Variants in EPB41L4A observed in about 807,000 individuals in gnomAD.
The protein encoded by EPB41L4A is band 4.1-like protein 4A.
A neutral mutation model predicts 108.6 loss-of-function variants in EPB41L4A; 100 were observed. The ratio of observed to expected loss-of-function variants is 0.92; its 90% CI spans 0.78 to 1.09. The LOEUF (loss-of-function observed/expected upper bound fraction) is 1.09. Ranked by LOEUF, EPB41L4A falls within the 50% of genes least tolerant of loss-of-function variation. The pLI, the probability that EPB41L4A is intolerant of heterozygous loss-of-function variation, is 0.00. For synonymous variants in EPB41L4A, 319 were observed against 289.0 expected (o/e 1.10, Z -1.05); for missense variants, 1,030 against 842.7 (o/e 1.22, Z -2.75).
intron 16 of EPB41L4A, among the ~76,000 whole-genome samples, chr5:112,195,388 G>C (rs532573455): frequency 6.6e-6 from 1 of 151,740 alleles, no homozygotes; most frequent in Non-Finnish European, 1.5e-5. Flanking sequence ...GATAAATAGA[G>C]TTGTTGCTGC....
chr5:112,234,665 G>GTT lies in EPB41L4A; in HGVS notation c.1055_1056insAA (p.Tyr352Ter). ...GCTGTGTTTGTGCTATTCGCTTAGG[G>GTT]TAAGTCTTGCTTCGACTTCTTGTCA... ...QNVTRSRSKTYPKRIAQTQPA... is the reference protein window; with the variant it reads ...QNVTRSRSKT Residue 352 changes from tyrosine (Y) to a stop codon, truncating the protein, a stop_gained and frameshift_variant, in exon 12 of 23, where the codon TAC (tyrosine) becomes TAAAC (stop). Transcript: ENST00000261486. LOFTEE classifies it high-confidence loss of function. 6.2e-7 allele frequency: 1 copy of GTT among 1,613,590 alleles called. No homozygotes were observed. The highest frequency in any genetic ancestry group is 8.5e-7 in the Non-Finnish European group (1 of 1,179,634).
rs995529244 is a variant in EPB41L4A, at chr5:112,307,399, C to A, written c.191G>T (p.Arg64Ile). The stretch of plus-strand genomic sequence containing the variant: ...CACCTTACTCACCGTCTGATGGCTT[C>A]TGTCACAGTAACGTAGCCCAAAATA... ...IDYFGLRYCD[R>I]SHQTYWLDPA... is the part of the protein sequence containing the mutation. The change falls in exon 2 of 23, where the codon AGA becomes ATA. Residue 64 changes from arginine to isoleucine, a missense_variant. Coordinates refer to ENST00000261486, the MANE Select transcript of EPB41L4A (RefSeq NM_022140.5). 6.2e-7 allele frequency: 1 copy of A among 1,610,226 alleles called. No homozygotes were observed. The highest frequency in any genetic ancestry group is 8.5e-7 in the Non-Finnish European group (1 of 1,176,908).
At chr5:112,409,427 C>T (rs1762286558) in intron 1 of EPB41L4A, among the ~76,000 whole-genome samples, 1 of 151,922 alleles carries the variant, frequency 6.6e-6, no homozygotes, top group African/African-American at 2.4e-5. Context: ...TGCACAATTC[C>T]GTAAATATAT....
chr5:112,272,817 A>G (rs1752363046), intron 4 of EPB41L4A, among the ~76,000 whole-genome samples: 1 of 149,734 alleles, frequency 6.7e-6, no homozygotes, highest in African/African-American at 2.4e-5. Context: ...TTAGATGGCG[A>G]AAGAGGCCAT....
At chr5:112,204,532 TG>T in intron 14 of EPB41L4A, 44 bp from the exon 15 acceptor site, 1 of 1,357,238 alleles carries the variant, frequency 7.4e-7, no homozygotes, top group Non-Finnish European at 1.1e-6. Context: ...AGAGAGTTCC[TG>T]GGGGAAAACA....
intron 1 of EPB41L4A, among the ~76,000 whole-genome samples, chr5:112,392,569 G>T (rs1409098200): frequency 6.6e-6 from 1 of 152,076 alleles, no homozygotes; most frequent in Non-Finnish European, 1.5e-5. Flanking sequence ...ACTCAATACA[G>T]GAGCACCCAG....
rs200204316 is a variant in EPB41L4A, at chr5:112,259,933, A to C, written c.689T>G (p.Val230Gly). The change falls in exon 8 of 23, where the codon GTT (valine) becomes GGT (glycine). Residue 230 changes from valine (V) to glycine (G), a missense_variant. Coordinates refer to ENST00000261486, the MANE Select transcript of EPB41L4A (RefSeq NM_022140.5). ...EYFLGLTPVG[V>G]VVYKNKKQVG... Reference sequence around the variant, plus strand: ...TTGCTTTTTATTCTTGTACACAACAACACCAACCGGAGTTAATCCTAAGAA... The same window carrying C: ...TTGCTTTTTATTCTTGTACACAACACCACCAACCGGAGTTAATCCTAAGAA... 1.4e-4 allele frequency: 226 copies of C among 1,614,124 alleles called. No individual in the cohort carries two copies. Among genetic ancestry groups the C allele is most frequent in the South Asian group, 1.9e-4 (17 of 91,082 alleles).
At chr5:112,331,660 C>T (rs188145876) in intron 1 of EPB41L4A, among the ~76,000 whole-genome samples, 29 of 152,318 alleles carry the variant, frequency 1.9e-4, no homozygotes, top group Middle Eastern at 3.4e-3. Context: ...TGAATGTCAG[C>T]AAAGTTCTCA....
At chr5:112,144,485 C>A (rs1441616222) in intron 13 of EPB41L4A, among the ~76,000 whole-genome samples, 1 of 152,118 alleles carries the variant, frequency 6.6e-6, no homozygotes, top group Non-Finnish European at 1.5e-5. Context: ...CCAAGTTGCC[C>A]AGGCTGGTCT....
intron 12 of EPB41L4A, among the ~76,000 whole-genome samples, chr5:112,223,581 A>G (rs974146050): frequency 5.3e-5 from 8 of 152,100 alleles, no homozygotes; most frequent in Non-Finnish European, 1.0e-4. Flanking sequence ...CAGGAGGGGT[A>G]AAAAAACAGG....
upstream of EPB41L4A, chr5:112,419,806 C>G (rs1453660751): frequency 4.4e-6 from 2 of 456,648 alleles, no homozygotes; most frequent in Non-Finnish European, 8.8e-6. Context: ...TGGCTCCCGT[C>G]CGGGGACTCC....
chr5:112,240,881 C>A, intron 9 of EPB41L4A, 71 bp from the exon 10 acceptor site: 1 of 865,092 alleles, frequency 1.2e-6, no homozygotes, highest in Non-Finnish European at 1.8e-6. Flanking sequence ...AAATAACAGC[C>A]CCCTTTAAGT....
chr5:112,252,446 A>G (rs1195931538), intron 9 of EPB41L4A, among the ~76,000 whole-genome samples: 2 of 152,166 alleles, frequency 1.3e-5, no homozygotes, highest in Non-Finnish European at 2.9e-5. Context: ...TTGATACAAC[A>G]TGCACCTGAA....
intron 12 of EPB41L4A, among the ~76,000 whole-genome samples, chr5:112,151,843 G>C (rs971619484): frequency 6.6e-6 from 1 of 151,674 alleles, no homozygotes; most frequent in Non-Finnish European, 1.5e-5. Context: ...CTATTCTCCC[G>C]CCTCAGCCTC....
chr5:112,309,045 G>A (rs189126446), intron 1 of EPB41L4A, among the ~76,000 whole-genome samples: 2 of 152,190 alleles, frequency 1.3e-5, no homozygotes, highest in East Asian at 1.9e-4. Context: ...ATTCTCCTAA[G>A]TACTTCTAAA....
intron 12 of EPB41L4A, among the ~76,000 whole-genome samples, chr5:112,222,090 C>T (rs1447338294): frequency 6.6e-6 from 1 of 152,064 alleles, no homozygotes. Flanking sequence ...GGTAAGATGC[C>T]CCAAAGAACT....
At chr5:112,350,114 G>C (rs1757947639) in intron 1 of EPB41L4A, among the ~76,000 whole-genome samples, 2 of 149,158 alleles carry the variant, frequency 1.3e-5, no homozygotes, top group Admixed American at 6.8e-5. Flanking sequence ...AAAAGTGTCA[G>C]GTATGACTGA....
At chr5:112,218,305 C>T (rs970695737) in intron 12 of EPB41L4A, among the ~76,000 whole-genome samples, 1 of 152,154 alleles carries the variant, frequency 6.6e-6, no homozygotes, top group Non-Finnish European at 1.5e-5. Context: ...CTCTTGGACC[C>T]AAAGATAACA....
intron 1 of EPB41L4A, among the ~76,000 whole-genome samples, chr5:112,309,978 G>A (rs761435473): frequency 2.0e-5 from 3 of 152,150 alleles, no homozygotes; most frequent in Non-Finnish European, 4.4e-5. Flanking sequence ...GCCAACAAGG[G>A]TTTGGAAGTC....
Sources: allele counts gnomAD v4.1 joint callset (sites outside exome capture counted in the v4.1 genomes callset), GRCh38; gene constraint gnomAD v4.1.1; transcripts MANE v1.5; gene names NCBI Gene and HGNC (gene_info 2026-07-23, HGNC 2026-07-21).